The following DNAAF11 variants were observed in gnomAD, a reference collection of about 807,000 sequenced individuals.
The protein encoded by DNAAF11 is dynein axonemal assembly factor 11.
In DNAAF11, 45 loss-of-function variants were observed where a neutral mutation model predicts 60.8. The ratio of observed to expected loss-of-function variants is 0.74; its 90% CI spans 0.58 to 0.95. The LOEUF is 0.95. Ranked by LOEUF, DNAAF11 falls within the 40% of genes least tolerant of loss-of-function variation. DNAAF11 has a pLI of 0.00. For missense variants in DNAAF11, 546 were observed against 546.2 expected, an observed-to-expected ratio of 1.00 and a Z score of 0.00; for synonymous variants, 191 against 183.5, an observed-to-expected ratio of 1.04 and a Z score of -0.33.
chr8:132,653,030 C>A (rs532270907), intron 3 of DNAAF11, among the ~76,000 whole-genome samples: 1 of 152,158 alleles, frequency 6.6e-6, no homozygotes, highest in South Asian at 2.1e-4. Context: ...TTATTTGGAA[C>A]TTGAATCTGG....
Position 132,610,188 on chromosome 8 carries a change from T to C in DNAAF11, c.1118A>G (p.His373Arg), listed in dbSNP as rs759547176. The C allele has an allele frequency of 7.4e-6, 12 of 1,613,874 alleles. No individual in the cohort carries two copies. The highest frequency in any genetic ancestry group is 5.3e-5 in the African/African-American group (4 of 74,928). The change falls in exon 10 of 12, where the codon CAT (histidine) becomes CGT (arginine). Residue 373 changes from histidine to arginine, a missense_variant. Transcript: ENST00000620350. The part of the protein sequence containing the change: ...SSAKRSQTTG[H>R]LVICMPKVGE... ...TACCTTGGGCATGCAGATGACCAAA[T>C]GACCCGTTGTCTGAGATCTTTTAGC... is the stretch of plus-strand genomic sequence containing the variant.
chr8:132,603,607 G>T (rs565605949), intron 10 of DNAAF11, among the ~76,000 whole-genome samples: 7 of 151,910 alleles, frequency 4.6e-5, no homozygotes, highest in African/African-American at 7.2e-5. Context: ...GGGTGGGGGT[G>T]TGGGGAGGAC....
chr8:132,697,680 G>A, the DNAAF11 span, among the ~76,000 whole-genome samples: 3 of 151,712 alleles, frequency 2.0e-5, no homozygotes, highest in Non-Finnish European at 4.4e-5. Context: ...AGTATGAGAG[G>A]AGACATCAAT....
At chr8:132,586,617 C>G (rs1221125977) in intron 10 of DNAAF11, among the ~76,000 whole-genome samples, 1 of 152,128 alleles carries the variant, frequency 6.6e-6, no homozygotes, top group East Asian at 1.9e-4. Context: ...CTTACCATGC[C>G]TGGGACCTGT....
intron 11 of DNAAF11, among the ~76,000 whole-genome samples, chr8:132,579,400 T>C (rs1184980333): frequency 6.6e-6 from 1 of 152,074 alleles, no homozygotes; most frequent in Non-Finnish European, 1.5e-5. Flanking sequence ...AGATGGCATC[T>C]CTTTTGCACA....
At chr8:132,589,147 T>C (rs977363009) in intron 10 of DNAAF11, among the ~76,000 whole-genome samples, 3 of 152,158 alleles carry the variant, frequency 2.0e-5, no homozygotes, top group African/African-American at 7.2e-5. Context: ...TGAGGTTTGA[T>C]ATGAATTTTA....
In DNAAF11 at chr8:132,576,583, C is replaced by T. The variant is rs1341502497; in HGVS notation, c.1227-4103G>A. 1.3e-5 allele frequency among the ~76,000 whole-genome samples: 2 copies of T among 152,018 alleles called. 1 individual carries two copies. Among genetic ancestry groups the T allele is most frequent in the Non-Finnish European group, 2.9e-5 (2 of 68,024 alleles). On this transcript the variant is annotated intron_variant, in intron 11 of 11. Coordinates refer to ENST00000620350, the MANE Select transcript of DNAAF11 (RefSeq NM_012472.6). ...CATCTCTCAACATAAGTTGGGTATCCCTAATCTGAAGTTCCAAAATCCAAA... is the reference window on the plus strand; with the variant it reads ...CATCTCTCAACATAAGTTGGGTATCTCTAATCTGAAGTTCCAAAATCCAAA...
chr8:132,672,855 T>A (rs1825319554), intron 1 of DNAAF11, among the ~76,000 whole-genome samples: 1 of 152,208 alleles, frequency 6.6e-6, no homozygotes, highest in Non-Finnish European at 1.5e-5. Flanking sequence ...ACTGACGGGA[T>A]GTGACACTGG....
In DNAAF11 at chr8:132,571,399, T is replaced by G. The variant is rs1428989941; in HGVS notation, c.*907A>C. On this transcript the variant is annotated 3_prime_UTR_variant, in exon 12 of 12. Transcript: ENST00000620350. ...TAACAGTAATTTGTCCTACAATGTATGTGAAATATTGAATTCATAATGTTC... is the reference window on the plus strand; with the variant it reads ...TAACAGTAATTTGTCCTACAATGTAGGTGAAATATTGAATTCATAATGTTC... Among the ~76,000 whole-genome samples the G allele has an allele frequency of 6.6e-6, 1 of 152,152 alleles. No homozygotes were observed. Among genetic ancestry groups the G allele is most frequent in the Non-Finnish European group, 1.5e-5 (1 of 68,038 alleles).
At chr8:132,639,022 G>C (rs768280823) in intron 3 of DNAAF11, among the ~76,000 whole-genome samples, 1 of 152,174 alleles carries the variant, frequency 6.6e-6, no homozygotes, top group Non-Finnish European at 1.5e-5. Context: ...CAGAAGTTGC[G>C]AAGATAATAT....
chr8:132,608,556 G>A, intron 10 of DNAAF11: 1 of 423,092 alleles, frequency 2.4e-6, no homozygotes, highest in Non-Finnish European at 4.8e-6. Flanking sequence ...TTGGCACCCT[G>A]CAAAAGATAC....
At chr8:132,659,282 A>T (rs1401217836) in intron 2 of DNAAF11, among the ~76,000 whole-genome samples, 1 of 152,232 alleles carries the variant, frequency 6.6e-6, no homozygotes, top group Non-Finnish European at 1.5e-5. Context: ...CAATGGCACA[A>T]GAGCAAGTCT....
chr8:132,654,837 A>C (rs1204122244), intron 3 of DNAAF11, among the ~76,000 whole-genome samples: 1 of 151,980 alleles, frequency 6.6e-6, no homozygotes, highest in Non-Finnish European at 1.5e-5. Flanking sequence ...AACGACTCAT[A>C]TCAATAACCT....
chr8:132,602,699 C>CTG (rs1232930230), intron 10 of DNAAF11, among the ~76,000 whole-genome samples: 1 of 151,012 alleles, frequency 6.6e-6, no homozygotes, highest in Admixed American at 6.6e-5. Context: ...ACTCATGTCC[C>CTG]TGTGTGTATC....
chr8:132,677,480 G>A (rs1377489262), upstream of DNAAF11, among the ~76,000 whole-genome samples: 1 of 151,954 alleles, frequency 6.6e-6, no homozygotes, highest in Non-Finnish European at 1.5e-5. Context: ...GGAGACAAAG[G>A]GAGCCACTCC....
chr8:132,693,657 G>A, the DNAAF11 span, among the ~76,000 whole-genome samples: 1 of 151,974 alleles, frequency 6.6e-6, no homozygotes. Flanking sequence ...GTGCTATTGG[G>A]GTGGGGGAAA....
In DNAAF11 at chr8:132,613,754, G is replaced by A. The variant is rs184935208; in HGVS notation, c.974+1284C>T. ...TGAGGGCTGATGTTCTGGCTCCTTCGGTCCCTGTTCACTTTGACAAGACTC... is the reference window on the plus strand; with the variant it reads ...TGAGGGCTGATGTTCTGGCTCCTTCAGTCCCTGTTCACTTTGACAAGACTC... On this transcript the variant is annotated intron_variant, in intron 8 of 11. Transcript: ENST00000620350. 4.5e-4 allele frequency among the ~76,000 whole-genome samples: 69 copies of A among 152,238 alleles called. 1 individual carries two copies. The highest frequency in any genetic ancestry group is 7.2e-4 in the Non-Finnish European group (49 of 68,016).
intron 1 of DNAAF11, among the ~76,000 whole-genome samples, chr8:132,664,335 A>G (rs1374483510): frequency 6.6e-6 from 1 of 152,120 alleles, no homozygotes; most frequent in African/African-American, 2.4e-5. Flanking sequence ...TGCTCAAGGT[A>G]TCACAGGCGC....
the DNAAF11 span, among the ~76,000 whole-genome samples, chr8:132,696,581 A>C: frequency 9.2e-5 from 14 of 152,336 alleles, no homozygotes; most frequent in African/African-American, 3.1e-4. Context: ...TTCTACTATA[A>C]AAAGTAATGA....
Sources: allele counts gnomAD v4.1 joint callset (sites outside exome capture counted in the v4.1 genomes callset), GRCh38; gene constraint gnomAD v4.1.1; transcripts MANE v1.5; gene names NCBI Gene and HGNC (gene_info 2026-07-23, HGNC 2026-07-21).